C11orf71: variants seen among roughly 807,000 people sequenced by gnomAD.
The protein encoded by C11orf71 is uncharacterized protein C11orf71.
For missense variants in C11orf71, 179 were observed against 167.6 expected (o/e 1.07, Z -0.38); for synonymous variants, 72 against 73.4 (o/e 0.98, Z 0.09).
rs1174993758 is a variant in C11orf71, at chr11:114,399,382, C to G, written c.*578G>C. The G allele has an allele frequency of 1.2e-4, 18 of 152,288 alleles. No homozygotes were observed. The highest frequency in any genetic ancestry group is 1.2e-3 in the Admixed American group (18 of 15,306). The allele number at this position is 152,288 out of a possible 1,614,324, so 9.4% of individuals were successfully genotyped here. A position where few individuals can be genotyped will look rare whatever the true frequency, so the allele number is the denominator to read the frequency against. ...CAGATTAATGCGCTGGGACTGAATG[C>G]AAATAGTAAAATTACAAATATAAAG... is the stretch of plus-strand genomic sequence containing the variant. On this transcript the variant is annotated 3_prime_UTR_variant, in exon 1 of 1. Transcript: ENST00000623205.
chr11:114,396,736 T>C (rs889257257), downstream of C11orf71, among the ~76,000 whole-genome samples: 2 of 152,190 alleles, frequency 1.3e-5, no homozygotes, highest in Non-Finnish European at 2.9e-5. Context: ...AAACTCTTCA[T>C]AGAAATTAAG....
chr11:114,399,807 C>T lies in C11orf71; in HGVS notation c.*153G>A. 9.0e-7 allele frequency: 1 copy of T among 1,107,322 alleles called. No individual in the cohort carries two copies. The highest frequency in any genetic ancestry group is 1.2e-6 in the Non-Finnish European group (1 of 806,016). The allele number at this position is 1,107,322 out of a possible 1,614,324, so 68.6% of individuals were successfully genotyped here. On this transcript the variant is annotated 3_prime_UTR_variant, in exon 1 of 1. Transcript: ENST00000623205. ...CCTAAATCAATCAACTGTTACACTTCCCTTAGTGCTAGGACATATTCATAT... is the reference window on the plus strand; with the variant it reads ...CCTAAATCAATCAACTGTTACACTTTCCTTAGTGCTAGGACATATTCATAT...
Position 114,398,931 on chromosome 11 carries a change from A to C in C11orf71, c.*1029T>G, listed in dbSNP as rs775457100. On this transcript the variant is annotated 3_prime_UTR_variant, in exon 1 of 1. Coordinates refer to ENST00000623205, the MANE Select transcript of C11orf71 (RefSeq NM_001271562.2). ...GAGCTGGCACTTACAAAACCCATTA[A>C]CTTTCTCAAAATACCACCCTTTAAA... 2 of 152,170 alleles carry C rather than the reference A, an allele frequency of 1.3e-5. No individual in the cohort carries two copies. Among genetic ancestry groups the C allele is most frequent in the Non-Finnish European group, 2.9e-5 (2 of 68,046 alleles). The allele number at this position is 152,170 out of a possible 1,614,324, so 9.4% of individuals were successfully genotyped here. A position where few individuals can be genotyped will look rare whatever the true frequency, so the allele number is the denominator to read the frequency against.
chr11:114,398,187 T>A (rs1591194307), downstream of C11orf71, among the ~76,000 whole-genome samples: 1 of 152,366 alleles, frequency 6.6e-6, no homozygotes, highest in South Asian at 2.1e-4. Context: ...TCTAACACTC[T>A]GTTTATAGTT....
rs1946166805 is a variant in C11orf71, at chr11:114,399,863, A to T, written c.*97T>A. The T allele has an allele frequency of 2.8e-6, 4 of 1,420,564 alleles. No individual in the cohort carries two copies. The South Asian group carries it at 6.0e-5, about 21-fold the overall frequency. 88.0% of individuals were successfully genotyped at this position (1,420,564 alleles called of 1,614,324 possible). On this transcript the variant is annotated 3_prime_UTR_variant, in exon 1 of 1. Coordinates refer to ENST00000623205, the MANE Select transcript of C11orf71 (RefSeq NM_001271562.2). ...CCACGTATTAAATGAAAATACATCC[A>T]TCTAAAAATAAAACAACACGATTGC... is the stretch of plus-strand genomic sequence containing the variant.
chr11:114,394,274 TTTC>T (rs748273105), downstream of C11orf71, among the ~76,000 whole-genome samples: 191 of 79,372 alleles, frequency 2.4e-3, 26 homozygotes, highest in African/African-American at 0.011. Flanking sequence ...TTTCTTTTCT[TTTC>T]TTTTCTTTTC....
At chr11:114,394,238 T>TTTCC (rs1565256551), downstream of C11orf71, among the ~76,000 whole-genome samples, 2 of 49,854 alleles carry the variant, frequency 4.0e-5, no homozygotes, top group Admixed American at 2.7e-4. Context: ...CTTTCTTTTC[T>TTTCC]TTTCTTTTCT....
chr11:114,394,257 CTT>C (rs1390582407), downstream of C11orf71, among the ~76,000 whole-genome samples: 49 of 65,450 alleles, frequency 7.5e-4, 1 homozygote, highest in African/African-American at 3.7e-3. Context: ...CTTTTCTTTT[CTT>C]TTCTTTTCTT....
intron 1 of C11orf71, among the ~76,000 whole-genome samples, chr11:114,392,195 G>T (rs4448719): frequency 0.12 from 18,712 of 152,020 alleles, 1,544 homozygotes; most frequent in Middle Eastern, 0.24. Flanking sequence ...TCGAGCCCAG[G>T]AATTCAAGAC....
chr11:114,400,422 C>G lies in C11orf71; in HGVS notation c.-91G>C. 2 of 1,446,934 alleles carry G rather than the reference C, an allele frequency of 1.4e-6. No homozygotes were observed. Among genetic ancestry groups the G allele is most frequent in the East Asian group, 2.5e-5 (1 of 40,772 alleles). The allele number at this position is 1,446,934 out of a possible 1,614,324, so 89.6% of individuals were successfully genotyped here. On this transcript the variant is annotated 5_prime_UTR_variant, in exon 1 of 1. Transcript: ENST00000623205. Reference sequence around the variant, plus strand: ...CAGATCAGTCCAGCCTGTGTCGGACCCGATGACTAAGCACACAGGAACCCA... The same window carrying G: ...CAGATCAGTCCAGCCTGTGTCGGACGCGATGACTAAGCACACAGGAACCCA...
rs192620837 is a variant in C11orf71, at chr11:114,399,110, A to C, written c.*850T>G. The stretch of plus-strand genomic sequence containing the variant: ...ACTTATGTTTATTACTGTACCTAAT[A>C]AACAGCCCAGCGTGGTGATTCCTAT... On this transcript the variant is annotated 3_prime_UTR_variant, in exon 1 of 1. Transcript: ENST00000623205. 6.6e-6 allele frequency: 1 copy of C among 152,068 alleles called. No homozygotes were observed. Among genetic ancestry groups the C allele is most frequent in the Non-Finnish European group, 1.5e-5 (1 of 68,010 alleles). The allele number at this position is 152,068 out of a possible 1,614,324, so 9.4% of individuals were successfully genotyped here.
downstream of C11orf71, among the ~76,000 whole-genome samples, chr11:114,394,923 ACTCT>A (rs1946119323): frequency 1.3e-5 from 2 of 150,142 alleles, no homozygotes; most frequent in Non-Finnish European, 3.0e-5. Context: ...TTACCTTGTT[ACTCT>A]TATTTGCCCA....
chr11:114,395,279 C>T (rs1458231331), downstream of C11orf71, among the ~76,000 whole-genome samples: 3 of 152,122 alleles, frequency 2.0e-5, no homozygotes, highest in East Asian at 5.8e-4. Context: ...TTTGCTTAAC[C>T]TGGTTAAAAT....
chr11:114,394,589 C>G (rs1249846588), downstream of C11orf71, among the ~76,000 whole-genome samples: 2 of 152,038 alleles, frequency 1.3e-5, no homozygotes, highest in Non-Finnish European at 2.9e-5. Context: ...GCCACTGCGC[C>G]CAGCGAGACG....
At chr11:114,394,631 A>G (rs543181485), downstream of C11orf71, among the ~76,000 whole-genome samples, 20 of 151,346 alleles carry the variant, frequency 1.3e-4, no homozygotes, top group Admixed American at 4.0e-4. Context: ...GATGGTCTCC[A>G]TCTCCTGACC....
At chr11:114,397,846 T>C (rs1286963814), downstream of C11orf71, among the ~76,000 whole-genome samples, 2 of 152,162 alleles carry the variant, frequency 1.3e-5, no homozygotes, top group African/African-American at 2.4e-5. Flanking sequence ...CCTCTTCCAC[T>C]CCCAAGTGCC....
chr11:114,394,278 T>G (rs1377385629), downstream of C11orf71, among the ~76,000 whole-genome samples: 1 of 79,656 alleles, frequency 1.3e-5, no homozygotes, highest in Non-Finnish European at 2.3e-5. Flanking sequence ...TTTTCTTTTC[T>G]TTTCTTTTCT....
chr11:114,394,871 G>C (rs1371651482), downstream of C11orf71, among the ~76,000 whole-genome samples: 1 of 151,368 alleles, frequency 6.6e-6, no homozygotes, highest in Non-Finnish European at 1.5e-5. Flanking sequence ...CCTAGCGGCA[G>C]GTTGATTTCA....
chr11:114,394,500 G>A (rs996712848), downstream of C11orf71, among the ~76,000 whole-genome samples: 1 of 151,858 alleles, frequency 6.6e-6, no homozygotes, highest in African/African-American at 2.4e-5. Context: ...TCACCATGTT[G>A]GCCAGGCTGG....
Sources: allele counts gnomAD v4.1 joint callset (sites outside exome capture counted in the v4.1 genomes callset), GRCh38; gene constraint gnomAD v4.1.1; transcripts MANE v1.5; gene names NCBI Gene and HGNC (gene_info 2026-07-23, HGNC 2026-07-21).